The following NTM variants were observed in gnomAD, a reference collection of about 807,000 sequenced individuals.
NTM encodes neurotrimin, also known as IgLON family member 2.
Under a neutral mutation model 42.1 loss-of-function variants are expected in NTM, and 13 were observed. That is an observed-to-expected ratio of 0.31 (90% CI 0.20 to 0.49). The LOEUF (loss-of-function observed/expected upper bound fraction) is 0.49. Among genes scored for constraint, NTM ranks in the 20% least tolerant of loss-of-function variants. The pLI is 0.99. For synonymous variants in NTM, 187 were observed against 179.2 expected (o/e 1.04, Z -0.35); for missense variants, 373 against 452.8 (o/e 0.82, Z 1.60).
intron 1 of NTM, among the ~76,000 whole-genome samples, chr11:131,560,868 C>T (rs1274925961): frequency 2.0e-5 from 3 of 152,198 alleles, no homozygotes; most frequent in African/African-American, 4.8e-5. Context: ...GGCCCTTTCT[C>T]TGTGTGTAAG....
intron 1 of NTM, among the ~76,000 whole-genome samples, chr11:131,764,957 T>C (rs1367430704): frequency 6.6e-6 from 1 of 152,130 alleles, no homozygotes; most frequent in African/African-American, 2.4e-5. Flanking sequence ...AAGGGAGCTG[T>C]GATTATTTCA....
Position 131,543,092 on chromosome 11 carries a change from A to G in NTM, c.82+172204A>G, listed in dbSNP as rs374877226. On this transcript the variant is annotated intron_variant, in intron 1 of 8. Transcript: ENST00000683400. ...ACACGTGACTTCTCTTAGCAGAGTG[A>G]ACGTATCTCCTACCTTAAGTCTCTT... Among the ~76,000 whole-genome samples, 34 of 152,208 alleles carry G rather than the reference A, an allele frequency of 2.2e-4. 1 individual carries two copies. The highest frequency in any genetic ancestry group is 2.1e-3 in the East Asian group (11 of 5,176).
intron 4 of NTM, among the ~76,000 whole-genome samples, chr11:132,298,165 G>T (rs1442113434): frequency 6.6e-6 from 1 of 152,140 alleles, no homozygotes; most frequent in African/African-American, 2.4e-5. Flanking sequence ...AAAGTTATCA[G>T]CACTCAGTAC....
At position 131,454,711 on chromosome 11, in the gene NTM, G is replaced by A. The variant is rs531837085; in HGVS notation, c.82+83823G>A. On this transcript the variant is annotated intron_variant, in intron 1 of 8. Transcript: ENST00000683400. ...TGCATGGAGTGATGGGGAGAGGGGC[G>A]GGAGCAGTGGAGAAAGGGGCTTGAC... 8.6e-5 allele frequency among the ~76,000 whole-genome samples: 13 copies of A among 152,000 alleles called. No homozygotes were observed. In the South Asian group the frequency reaches 1.9e-3, roughly 22 times the overall value.
In NTM at chr11:131,432,839, C is replaced by CTTTTTTTTTTT. The variant is rs377739708; in HGVS notation, c.82+61973_82+61983dup. On this transcript the variant is annotated intron_variant, in intron 1 of 8. Transcript: ENST00000683400. The stretch of plus-strand genomic sequence containing the variant: ...CTACAAAAGATGAAGATTTAGCATT[C>CTTTTTTTTTTT]TTTTTTTTTTTTTTTTTTTTTTTTT... 2.2e-3 allele frequency among the ~76,000 whole-genome samples: 150 copies of CTTTTTTTTTTT among 68,702 alleles called. 11 individuals carry two copies. Among genetic ancestry groups the CTTTTTTTTTTT allele is most frequent in the Middle Eastern group, 0.011 (1 of 92 alleles). 45.1% of individuals were successfully genotyped at this position (68,702 alleles called of 152,430 possible). A position where few individuals can be genotyped will look rare whatever the true frequency, so the allele number is the denominator to read the frequency against.
At chr11:132,059,896 T>C (rs971193116) in intron 2 of NTM, among the ~76,000 whole-genome samples, 2 of 152,314 alleles carry the variant, frequency 1.3e-5, no homozygotes, top group African/African-American at 4.8e-5. Flanking sequence ...CAGTGCCTCA[T>C]GGACTCCCCT....
At chr11:132,187,421 C>T (rs948975811) in intron 3 of NTM, among the ~76,000 whole-genome samples, 25 of 152,138 alleles carry the variant, frequency 1.6e-4, no homozygotes, top group African/African-American at 4.8e-4. Context: ...TAGGGTGAAA[C>T]GCCTGCTCAG....
At chr11:131,777,697 A>C (rs1461041016) in intron 1 of NTM, among the ~76,000 whole-genome samples, 1 of 152,144 alleles carries the variant, frequency 6.6e-6, no homozygotes, top group Admixed American at 6.5e-5. Context: ...TTGCAAATTG[A>C]CATACTGAGA....
intron 3 of NTM, among the ~76,000 whole-genome samples, chr11:132,152,778 C>T (rs1326244244): frequency 2.0e-5 from 3 of 152,168 alleles, no homozygotes; most frequent in African/African-American, 7.2e-5. Flanking sequence ...TATCGTCTGT[C>T]TGCTAAGCCA....
At chr11:132,207,572 GCATCCCCA>G (rs2082180943) in intron 3 of NTM, among the ~76,000 whole-genome samples, 2 of 151,970 alleles carry the variant, frequency 1.3e-5, no homozygotes, top group South Asian at 4.2e-4. Context: ...ATTCCTTCCC[GCATCCCCA>G]GTTCATGGAA....
intron 3 of NTM, among the ~76,000 whole-genome samples, chr11:132,166,410 A>G (rs1216246732): frequency 6.6e-6 from 1 of 152,132 alleles, no homozygotes; most frequent in Admixed American, 6.5e-5. Context: ...GGCACCCAGG[A>G]TTTCAGGATT....
intron 1 of NTM, among the ~76,000 whole-genome samples, chr11:131,657,426 A>G (rs2067349498): frequency 6.6e-6 from 1 of 152,232 alleles, no homozygotes; most frequent in Non-Finnish European, 1.5e-5. Flanking sequence ...TTAATGCCAC[A>G]TGTCAGCAGG....
chr11:132,099,532 A>G (rs989176873), intron 2 of NTM, among the ~76,000 whole-genome samples: 1 of 152,208 alleles, frequency 6.6e-6, no homozygotes, highest in Non-Finnish European at 1.5e-5. Flanking sequence ...TAAAATCTAA[A>G]GGACTGAGGG....
At chr11:132,205,544 T>C (rs1046775486) in intron 3 of NTM, among the ~76,000 whole-genome samples, 3 of 152,194 alleles carry the variant, frequency 2.0e-5, no homozygotes, top group African/African-American at 2.4e-5. Context: ...CCAAACAGCA[T>C]GGCTCCCTTG....
chr11:131,709,105 A>C (rs140266492), intron 1 of NTM, among the ~76,000 whole-genome samples: 2,093 of 152,300 alleles, frequency 0.014, 20 homozygotes, highest in Non-Finnish European at 0.022. Flanking sequence ...GGTGTGTTCA[A>C]GAACAGGAAG....
At chr11:132,279,573 A>G (rs1334243420) in intron 4 of NTM, among the ~76,000 whole-genome samples, 1 of 152,304 alleles carries the variant, frequency 6.6e-6, no homozygotes, top group East Asian at 1.9e-4. Context: ...AATACTTAAA[A>G]CCATATGTCT....
chr11:132,095,342 G>T (rs567079282), intron 2 of NTM, among the ~76,000 whole-genome samples: 1 of 152,248 alleles, frequency 6.6e-6, no homozygotes, highest in South Asian at 2.1e-4. Flanking sequence ...CGAGAGAGTT[G>T]CAGGAGCCCC....
chr11:131,871,762 C>A (rs571177982), intron 1 of NTM, among the ~76,000 whole-genome samples: 19 of 152,242 alleles, frequency 1.2e-4, no homozygotes, highest in African/African-American at 4.1e-4. Context: ...GGCCACCCTG[C>A]CCTGGGCTCC....
At chr11:131,632,585 TTTC>T (rs2063759954) in intron 1 of NTM, among the ~76,000 whole-genome samples, 1 of 151,992 alleles carries the variant, frequency 6.6e-6, no homozygotes, top group African/African-American at 2.4e-5. Context: ...TTCTTTTTTA[TTTC>T]TTATTTATTC....
Sources: gnomAD v4.1 joint callset for allele counts (sites outside exome capture counted in the v4.1 genomes callset) on GRCh38, gnomAD v4.1.1 for gene constraint, MANE v1.5 for transcripts, NCBI Gene and HGNC (gene_info 2026-07-23, HGNC 2026-07-21) for gene names.